Variants in RBFOX2 observed in about 807,000 individuals in gnomAD.
RBFOX2 encodes RNA binding protein fox-1 homolog 2.
Under a neutral mutation model 49.1 loss-of-function variants are expected in RBFOX2, and 10 were observed. That is an observed-to-expected ratio of 0.20 (90% CI 0.13 to 0.35). The LOEUF (loss-of-function observed/expected upper bound fraction) is 0.35, where lower values mean the gene tolerates loss of function less well. RBFOX2 is among the 10% of genes least tolerant of loss of function. The probability of loss-of-function intolerance (pLI) is 1.00; values close to 1 mark genes in which losing one functional copy is unlikely to be tolerated. For missense variants in RBFOX2, 323 were observed against 486.9 expected (o/e 0.66, Z 3.17); for synonymous variants, 183 against 187.4 (o/e 0.98, Z 0.19).
intron 1 of RBFOX2, among the ~76,000 whole-genome samples, chr22:35,816,366 T>C (rs1953056020): frequency 6.6e-6 from 1 of 152,192 alleles, no homozygotes; most frequent in African/African-American, 2.4e-5. Context: ...AGGGTAGAAT[T>C]GTTTTGCTTT....
At chr22:35,809,022 A>ATTAAGAG (rs79137304) in intron 2 of RBFOX2, among the ~76,000 whole-genome samples, 4,677 of 151,772 alleles carry the variant, frequency 0.031, 105 homozygotes, top group Non-Finnish European at 0.045. Flanking sequence ...TTAGGGAACT[A>ATTAAGAG]TTAAGAGTTA....
At chr22:35,996,286 A>G (rs554885471) in intron 1 of RBFOX2, 7 of 152,306 alleles carry the variant, frequency 4.6e-5, no homozygotes, top group Non-Finnish European at 5.9e-5. Flanking sequence ...GATAAACAAG[A>G]ATCCAACAGG....
At chr22:35,805,485 C>T (rs927842439) in intron 2 of RBFOX2, among the ~76,000 whole-genome samples, 6 of 151,956 alleles carry the variant, frequency 3.9e-5, no homozygotes, top group African/African-American at 9.7e-5. Flanking sequence ...CAAATGCTGG[C>T]GAGGATGTGG....
At chr22:35,850,763 C>A (rs2041848028) in intron 1 of RBFOX2, among the ~76,000 whole-genome samples, 1 of 152,036 alleles carries the variant, frequency 6.6e-6, no homozygotes, top group Non-Finnish European at 1.5e-5. Flanking sequence ...GCTTTCAGAG[C>A]CTAAATGGCC....
At chr22:35,782,716 C>T (rs1279702433) in intron 2 of RBFOX2, among the ~76,000 whole-genome samples, 1 of 152,120 alleles carries the variant, frequency 6.6e-6, no homozygotes, top group Non-Finnish European at 1.5e-5. Context: ...CTTCTGCAGC[C>T]CAGAGCAAAC....
At chr22:35,947,712 TAAA>T (rs1331492648) in intron 1 of RBFOX2, among the ~76,000 whole-genome samples, 3 of 143,996 alleles carry the variant, frequency 2.1e-5, no homozygotes, top group Non-Finnish European at 3.1e-5. Flanking sequence ...TTAAAAATCT[TAAA>T]AAAACCTTAT....
chr22:35,778,819 T>TA (rs1272214888), intron 3 of RBFOX2, among the ~76,000 whole-genome samples: 1 of 152,138 alleles, frequency 6.6e-6, no homozygotes, highest in African/African-American at 2.4e-5. Context: ...GTATTTTTAG[T>TA]AGAGAGGGGG....
chr22:36,016,234 T>C (rs2059030151), intron 1 of RBFOX2, among the ~76,000 whole-genome samples: 1 of 152,040 alleles, frequency 6.6e-6, no homozygotes, highest in South Asian at 2.1e-4. Context: ...TGAAAGAAAT[T>C]TCTATGAGCC....
chr22:35,950,233 T>C (rs994426806), intron 1 of RBFOX2, among the ~76,000 whole-genome samples: 2 of 152,044 alleles, frequency 1.3e-5, no homozygotes, highest in African/African-American at 4.8e-5. Context: ...ATCTATATAC[T>C]GGTTATCAAT....
intron 1 of RBFOX2, among the ~76,000 whole-genome samples, chr22:35,834,665 G>A (rs565036934): frequency 6.6e-6 from 1 of 152,268 alleles, no homozygotes; most frequent in South Asian, 2.1e-4. Flanking sequence ...AAGACATTTT[G>A]GGCAGGGAGA....
At chr22:35,951,279 C>CTTTTTTTT in intron 1 of RBFOX2, among the ~76,000 whole-genome samples, 1 of 81,056 alleles carries the variant, frequency 1.2e-5, no homozygotes, top group African/African-American at 5.4e-5. Flanking sequence ...CGGAGTTTTG[C>CTTTTTTTT]TCGTTGCCCA....
intron 1 of RBFOX2, among the ~76,000 whole-genome samples, chr22:36,004,931 T>C (rs13053825): frequency 1.3e-5 from 2 of 152,078 alleles, no homozygotes; most frequent in African/African-American, 4.8e-5. Context: ...AACTTCTCAC[T>C]CTCCTCGAAG....
chr22:35,849,242 C>T lies in RBFOX2; in HGVS notation c.-33-39238G>A, dbSNP rs571100368. Among the ~76,000 whole-genome samples the T allele has an allele frequency of 1.1e-4, 16 of 151,286 alleles. 1 individual carries two copies. The highest frequency in any genetic ancestry group is 2.4e-4 in the African/African-American group (10 of 41,144). On this transcript the variant is annotated intron_variant, in intron 1 of 13. Transcript: ENST00000359369. Reference sequence around the variant, plus strand: ...ATAATATGATGGGTTTTTTACATTACATTTATATTGTCCAGCCCACCTGGT... The same window carrying T: ...ATAATATGATGGGTTTTTTACATTATATTTATATTGTCCAGCCCACCTGGT...
At chr22:35,909,202 T>A (rs2049481858) in intron 1 of RBFOX2, among the ~76,000 whole-genome samples, 1 of 152,172 alleles carries the variant, frequency 6.6e-6, no homozygotes, top group East Asian at 1.9e-4. Flanking sequence ...TCATGCTTCT[T>A]GTTGCAGCTG....
intron 1 of RBFOX2, among the ~76,000 whole-genome samples, chr22:35,860,874 G>A (rs536662341): frequency 6.6e-6 from 1 of 152,230 alleles, no homozygotes; most frequent in Non-Finnish European, 1.5e-5. Flanking sequence ...TAAAGATTAT[G>A]ACTATCTTTT....
intron 1 of RBFOX2, among the ~76,000 whole-genome samples, chr22:35,872,637 C>A: frequency 6.6e-6 from 1 of 152,212 alleles, no homozygotes; most frequent in East Asian, 1.9e-4. Flanking sequence ...TCCGCCTTGT[C>A]CCACCCGTCA....
At chr22:35,754,246 C>G (rs1473892920) in intron 9 of RBFOX2, among the ~76,000 whole-genome samples, 1 of 151,930 alleles carries the variant, frequency 6.6e-6, no homozygotes, top group Non-Finnish European at 1.5e-5. Flanking sequence ...CGCCCGCCAC[C>G]ACGCCTGGCT....
At chr22:35,995,031 A>G (rs572105446) in intron 1 of RBFOX2, 3 of 152,366 alleles carry the variant, frequency 2.0e-5, no homozygotes, top group African/African-American at 7.2e-5. Context: ...GCAGGTCCCA[A>G]GCTGGGAAAG....
upstream of RBFOX2, among the ~76,000 whole-genome samples, chr22:35,963,312 C>T (rs1218015694): frequency 6.6e-6 from 1 of 152,018 alleles, no homozygotes; most frequent in Non-Finnish European, 1.5e-5. Flanking sequence ...TATGATTAGC[C>T]CATCTCTGAG....
Sources: gnomAD v4.1 joint callset for allele counts (sites outside exome capture counted in the v4.1 genomes callset) on GRCh38, gnomAD v4.1.1 for gene constraint, MANE v1.5 for transcripts, NCBI Gene and HGNC (gene_info 2026-07-23, HGNC 2026-07-21) for gene names.